Variants in EMC1 observed in about 807,000 individuals in gnomAD.
EMC1 encodes the protein ER membrane protein complex subunit 1, also known as KIAA0090.
Under a neutral mutation model 128.8 loss-of-function variants are expected in EMC1, and 103 were observed. That is an observed-to-expected ratio of 0.80 (90% CI 0.68 to 0.94). The LOEUF is 0.94. Ranked by LOEUF, EMC1 falls within the 40% of genes least tolerant of loss-of-function variation. The probability of loss-of-function intolerance (pLI) is 0.00; values close to 1 mark genes in which losing one functional copy is unlikely to be tolerated. For missense variants in EMC1, 1,083 were observed against 1,250.6 expected (o/e 0.87, Z 2.02); for synonymous variants, 442 against 490.4 (o/e 0.90, Z 1.30).
At chr1:19,236,967 C>CAAA (rs35897979) in intron 12 of EMC1, among the ~76,000 whole-genome samples, 175 bp downstream of exon 12, 42 of 58,338 alleles carry the variant, frequency 7.2e-4, no homozygotes, top group African/African-American at 1.1e-3. Flanking sequence ...GACTCTATCT[C>CAAA]AAAAAAAAAA....
chr1:19,248,529 C>A (rs369809158), intron 1 of EMC1, among the ~76,000 whole-genome samples: 2 of 152,246 alleles, frequency 1.3e-5, no homozygotes, highest in East Asian at 3.8e-4. Flanking sequence ...AAGTAATTCT[C>A]CTGCCTCAGC....
chr1:19,230,724 C>G (rs2093514707), intron 17 of EMC1, 120 bp downstream of exon 17: 1 of 1,287,578 alleles, frequency 7.8e-7, no homozygotes, highest in Admixed American at 2.1e-5. Context: ...TATCAGACAT[C>G]AGGATTATGC....
intron 6 of EMC1, 113 bp downstream of exon 6, chr1:19,240,903 C>A: frequency 8.3e-7 from 1 of 1,203,454 alleles, no homozygotes; most frequent in Non-Finnish European, 1.2e-6. Context: ...AATGAGGGAG[C>A]ATAAGTAGCT....
At chr1:19,221,010 G>C in intron 20 of EMC1, 162 bp from the exon 21 acceptor site, 2 of 511,020 alleles carry the variant, frequency 3.9e-6, no homozygotes, top group East Asian at 6.3e-5. Flanking sequence ...GATACGCATG[G>C]GTCTGAATGA....
At chr1:19,246,473 G>A (rs191201922) in intron 1 of EMC1, among the ~76,000 whole-genome samples, 22 of 152,104 alleles carry the variant, frequency 1.4e-4, no homozygotes, top group Admixed American at 5.2e-4. Flanking sequence ...GTGGGTGGGG[G>A]GAACACTTAT....
intron 18 of EMC1, among the ~76,000 whole-genome samples, chr1:19,224,769 C>T (rs977783452): frequency 6.6e-5 from 10 of 152,234 alleles, no homozygotes; most frequent in East Asian, 1.9e-4. Flanking sequence ...AAGTGAAGGC[C>T]ACGGTGGTGG....
Position 19,235,279 on chromosome 1 carries a change from A to G in EMC1, c.1310-27T>C, listed in dbSNP as rs1210517123. ...TACAGGAAACATTTTTACAAAGCTA[A>G]GCCTGGGGCTGGGCACAGTGGCTCA... On this transcript the variant is annotated intron_variant, in intron 12 of 22. Transcript: ENST00000477853. The G allele has an allele frequency of 5.0e-6, 8 of 1,604,218 alleles. No homozygotes were observed. In the Admixed American group the frequency reaches 1.4e-4, roughly 27 times the overall value.
chr1:19,234,293 G>T, intron 13 of EMC1: 1 of 418,340 alleles, frequency 2.4e-6, no homozygotes. Context: ...GCCCTCAACA[G>T]CTATCCGTTG....
rs1168842995 is a variant in EMC1 at position 19,218,120 on chromosome 1, G to A, written c.*1183C>T. 2.0e-5 allele frequency: 3 copies of A among 152,174 alleles called. No individual in the cohort carries two copies. The highest frequency in any genetic ancestry group is 7.2e-5 in the African/African-American group (3 of 41,444). 9.4% of individuals were successfully genotyped at this position (152,174 alleles called of 1,614,324 possible). A position where few individuals can be genotyped will look rare whatever the true frequency, so the allele number is the denominator to read the frequency against. On this transcript the variant is annotated 3_prime_UTR_variant, in exon 23 of 23. Transcript: ENST00000477853. ...TGTCACTTGCTTTATGCAAACATTCGAGTGTACCTCTTTCACCACAGGGCT... is the reference window on the plus strand; with the variant it reads ...TGTCACTTGCTTTATGCAAACATTCAAGTGTACCTCTTTCACCACAGGGCT...
chr1:19,232,683 G>A lies in EMC1; in HGVS notation c.1723C>T (p.Gln575Ter). ...TGGGGGAAATGAGCAGTAGTTCTCT[G>A]GACCATCAGTTTAAAGGAGGAGTCT... The part of the protein sequence containing the change: ...KPDSSFKLMV[Q>*]RTTAHFPHPP... Residue 575 changes from glutamine to a stop codon, truncating the protein, a stop_gained, in exon 15 of 23, where the codon CAG becomes TAG. Transcript: ENST00000477853. LOFTEE classifies it high-confidence loss of function. The A allele has an allele frequency of 6.2e-7, 1 of 1,614,170 alleles. No homozygotes were observed. Among genetic ancestry groups the A allele is most frequent in the Non-Finnish European group, 8.5e-7 (1 of 1,180,036 alleles).
At chr1:19,220,998 A>G (rs2093427072) in intron 20 of EMC1, 150 bp from the exon 21 acceptor site, 8 of 545,236 alleles carry the variant, frequency 1.5e-5, no homozygotes, top group East Asian at 9.1e-5. Flanking sequence ...TAATAATCCA[A>G]TGATACGCAT....
intron 1 of EMC1, 95 bp downstream of exon 1, chr1:19,251,320 C>T: frequency 8.7e-6 from 10 of 1,155,222 alleles, no homozygotes; most frequent in Admixed American, 2.0e-5. Flanking sequence ...GCAAATTATG[C>T]GGCCAATCCT....
chr1:19,227,355 A>G lies in EMC1; in HGVS notation c.2160T>C (p.His720=), dbSNP rs2093483023. ...GGTCCCCCATCACACGGCCCTGGGA[A>G]TGAACGTGCTCACTGCTGCGTTTCC... The part of the protein sequence containing the change: ...VKGKRSSEHV[H]SQGRVMGDRS... The change falls in exon 18 of 23, where the codon CAT becomes CAC. Residue 720 remains histidine (H), a synonymous_variant. Transcript: ENST00000477853. The G allele has an allele frequency of 6.2e-7, 1 of 1,614,200 alleles. No homozygotes were observed.
chr1:19,228,410 T>A (rs1259081505), intron 17 of EMC1, among the ~76,000 whole-genome samples: 2 of 152,174 alleles, frequency 1.3e-5, no homozygotes, highest in Non-Finnish European at 2.9e-5. Context: ...TTTATGGTCA[T>A]AGGAAACCAA....
In EMC1 at chr1:19,245,046, T is replaced by C. The variant is rs2093625774; in HGVS notation, c.96-16A>G. 1 of 1,612,608 alleles carries C rather than the reference T, an allele frequency of 6.2e-7. No individual in the cohort carries two copies. Among genetic ancestry groups the C allele is most frequent in the Non-Finnish European group, 8.5e-7 (1 of 1,179,320 alleles). On this transcript the variant is annotated splice_polypyrimidine_tract_variant and intron_variant, in intron 1 of 22. Coordinates refer to ENST00000477853, the MANE Select transcript of EMC1 (RefSeq NM_015047.3). ...TTGCTGTCTCCTGAGAAAAAAAGAG[T>C]ACAGGGGACCATAAGGAGCTAAAAT...
At chr1:19,240,746 T>TA in intron 6 of EMC1, 1 of 570,844 alleles carries the variant, frequency 1.8e-6, no homozygotes, top group East Asian at 2.8e-5. Flanking sequence ...CCATATGTGG[T>TA]GTCCTACTGT....
chr1:19,223,399 C>T lies in EMC1; in HGVS notation c.2373G>A (p.Val791=). Residue 791 remains valine, a synonymous_variant, in exon 19 of 23, where the codon GTG becomes GTA. Coordinates refer to ENST00000477853, the MANE Select transcript of EMC1 (RefSeq NM_015047.3). ...PVHIVHSENW[V]VYQYWNTKAR... is the part of the protein sequence containing the mutation. ...GTCCCTGGTAGTGACCGCTTACCACCACCCAGTTCTCTGAATGCACGATAT... is the reference window on the plus strand; with the variant it reads ...GTCCCTGGTAGTGACCGCTTACCACTACCCAGTTCTCTGAATGCACGATAT... 1 of 1,613,588 alleles carries T rather than the reference C, an allele frequency of 6.2e-7. No individual in the cohort carries two copies. Among genetic ancestry groups the T allele is most frequent in the Non-Finnish European group, 8.5e-7 (1 of 1,179,562 alleles).
chr1:19,231,186 G>T (rs886755858), intron 16 of EMC1, 75 bp downstream of exon 16: 1 of 1,488,340 alleles, frequency 6.7e-7, no homozygotes, highest in Non-Finnish European at 9.1e-7. Flanking sequence ...CTCCATCTCC[G>T]GGCCGCTGTG....
chr1:19,248,224 C>T (rs982838405), intron 1 of EMC1, among the ~76,000 whole-genome samples: 1 of 151,932 alleles, frequency 6.6e-6, no homozygotes, highest in Admixed American at 6.6e-5. Flanking sequence ...TTTTGAGATG[C>T]TCTTACTCTG....
Sources: allele counts gnomAD v4.1 joint callset (sites outside exome capture counted in the v4.1 genomes callset), GRCh38; gene constraint gnomAD v4.1.1; transcripts MANE v1.5; gene names NCBI Gene and HGNC (gene_info 2026-07-23, HGNC 2026-07-21).